Variants in CADM1 observed in about 807,000 individuals in gnomAD.
The protein encoded by CADM1 is cell adhesion molecule 1, also known as TSLC-1.
In CADM1, 15 loss-of-function variants were observed where a neutral mutation model predicts 53.1. That is an observed-to-expected ratio of 0.28 (90% CI 0.19 to 0.44). The LOEUF is 0.44. CADM1 is among the 20% of genes least tolerant of loss of function. CADM1 has a pLI of 1.00. For synonymous variants in CADM1, 281 were observed against 243.0 expected, an observed-to-expected ratio of 1.16 and a Z score of -1.45; for missense variants, 434 against 611.3, an observed-to-expected ratio of 0.71 and a Z score of 3.06.
chr11:115,296,516 C>T (rs1175821353), intron 1 of CADM1, among the ~76,000 whole-genome samples: 1 of 152,040 alleles, frequency 6.6e-6, no homozygotes, highest in Non-Finnish European at 1.5e-5. Context: ...TGGATTAGTT[C>T]CCTAGAGAGT....
intron 1 of CADM1, among the ~76,000 whole-genome samples, chr11:115,404,892 A>T (rs1465864584): frequency 6.6e-6 from 1 of 152,012 alleles, no homozygotes; most frequent in African/African-American, 2.4e-5. Flanking sequence ...CAATAGAAAA[A>T]CAGCAAAGGA....
intron 1 of CADM1, among the ~76,000 whole-genome samples, chr11:115,351,600 G>A (rs189140848): frequency 6.6e-6 from 1 of 152,306 alleles, no homozygotes; most frequent in East Asian, 1.9e-4. Flanking sequence ...CAAATTGTAT[G>A]CAAACAAAAT....
chr11:115,267,016 C>A (rs186294352), intron 1 of CADM1, among the ~76,000 whole-genome samples: 2 of 152,158 alleles, frequency 1.3e-5, no homozygotes, highest in African/African-American at 4.8e-5. Context: ...ATGAGTAGAT[C>A]GACAGCCCTT....
intron 1 of CADM1, among the ~76,000 whole-genome samples, chr11:115,466,355 G>A (rs1253399374): frequency 7.2e-5 from 11 of 152,084 alleles, no homozygotes; most frequent in African/African-American, 1.7e-4. Flanking sequence ...TTAGTAAACC[G>A]GAAAATATTC....
At chr11:115,275,863 C>T (rs1036257988) in intron 1 of CADM1, among the ~76,000 whole-genome samples, 1 of 152,126 alleles carries the variant, frequency 6.6e-6, no homozygotes, top group Non-Finnish European at 1.5e-5. Flanking sequence ...TCTTTAAATT[C>T]AAGCTGGTCC....
chr11:115,245,593 G>A (rs992489417), intron 1 of CADM1, among the ~76,000 whole-genome samples: 4 of 152,096 alleles, frequency 2.6e-5, no homozygotes, highest in African/African-American at 7.2e-5. Context: ...ATCCCTACCC[G>A]AAATAAAACC....
At chr11:115,238,940 A>AT (rs1313396417) in intron 2 of CADM1, among the ~76,000 whole-genome samples, 1 of 152,066 alleles carries the variant, frequency 6.6e-6, no homozygotes, top group Non-Finnish European at 1.5e-5. Flanking sequence ...ACAATTCCAA[A>AT]TGCTGTCAGT....
intron 2 of CADM1, among the ~76,000 whole-genome samples, chr11:115,239,176 T>TA (rs1324614642): frequency 6.6e-6 from 1 of 152,078 alleles, no homozygotes; most frequent in Non-Finnish European, 1.5e-5. Flanking sequence ...GAAACAGAAC[T>TA]AAAAAAGCCT....
At chr11:115,384,330 C>A (rs1335727446) in intron 1 of CADM1, among the ~76,000 whole-genome samples, 2 of 152,146 alleles carry the variant, frequency 1.3e-5, no homozygotes, top group Non-Finnish European at 2.9e-5. Context: ...TGCTTACCAA[C>A]TCTTTTCTCC....
intron 1 of CADM1, among the ~76,000 whole-genome samples, chr11:115,381,267 CT>C (rs2135153681): frequency 6.7e-6 from 1 of 149,766 alleles, no homozygotes; most frequent in South Asian, 2.1e-4. Flanking sequence ...GCACTGTAGC[CT>C]GGGCAACAGA....
intron 1 of CADM1, among the ~76,000 whole-genome samples, chr11:115,380,661 G>A (rs1946553034): frequency 6.6e-6 from 1 of 152,098 alleles, no homozygotes; most frequent in Non-Finnish European, 1.5e-5. Flanking sequence ...TGGCTGTCGA[G>A]GCCCTCTTTC....
At chr11:115,368,656 A>G (rs1033998797) in intron 1 of CADM1, among the ~76,000 whole-genome samples, 7 of 152,106 alleles carry the variant, frequency 4.6e-5, no homozygotes, top group African/African-American at 1.7e-4. Flanking sequence ...TCCTTGTAGC[A>G]TATTTTTGTT....
At chr11:115,255,016 T>G (rs767254763) in intron 1 of CADM1, among the ~76,000 whole-genome samples, 1 of 151,888 alleles carries the variant, frequency 6.6e-6, no homozygotes, top group African/African-American at 2.4e-5. Context: ...TGCCACAGAG[T>G]GCTCAGGAGC....
At chr11:115,338,948 GGTTA>G (rs1315293592) in intron 1 of CADM1, among the ~76,000 whole-genome samples, 29 of 139,484 alleles carry the variant, frequency 2.1e-4, no homozygotes, top group Non-Finnish European at 4.0e-4. Context: ...ACATTGTGCA[GGTTA>G]GTTACATATG....
chr11:115,316,720 CCTT>C (rs1436444852), intron 1 of CADM1, among the ~76,000 whole-genome samples: 2 of 152,138 alleles, frequency 1.3e-5, no homozygotes, highest in African/African-American at 2.4e-5. Context: ...AAAAATCTCT[CCTT>C]AAGGCCCTGA....
intron 1 of CADM1, among the ~76,000 whole-genome samples, chr11:115,353,793 G>A (rs530452492): frequency 4.6e-5 from 7 of 152,130 alleles, no homozygotes; most frequent in Non-Finnish European, 7.3e-5. Flanking sequence ...GTGGGTAGAC[G>A]TGATTGGTAG....
chr11:115,207,752 A>G (rs546510391), intron 8 of CADM1, among the ~76,000 whole-genome samples: 1 of 152,328 alleles, frequency 6.6e-6, no homozygotes, highest in African/African-American at 2.4e-5. Flanking sequence ...AATGAGTGGT[A>G]ATAAATGCTG....
chr11:115,233,156 G>T (rs1941884317), intron 3 of CADM1, among the ~76,000 whole-genome samples: 1 of 152,086 alleles, frequency 6.6e-6, no homozygotes, highest in African/African-American at 2.4e-5. Context: ...GGTGGCGGGG[G>T]GTGTAATGAG....
At chr11:115,195,630 A>G (rs1940109155) in intron 9 of CADM1, among the ~76,000 whole-genome samples, 1 of 152,202 alleles carries the variant, frequency 6.6e-6, no homozygotes, top group African/African-American at 2.4e-5. Flanking sequence ...TGCTGTAATG[A>G]AGAAGTTGGG....
Sources: allele counts gnomAD v4.1 joint callset (sites outside exome capture counted in the v4.1 genomes callset), GRCh38; gene constraint gnomAD v4.1.1; transcripts MANE v1.5; gene names NCBI Gene and HGNC (gene_info 2026-07-23, HGNC 2026-07-21).